ZFHX3: variants seen among roughly 807,000 people sequenced by gnomAD.
The protein encoded by ZFHX3 is zinc finger homeobox protein 3.
In ZFHX3, 42 loss-of-function variants were observed where a neutral mutation model predicts 279.1. The ratio of observed to expected loss-of-function variants is 0.15; its 90% CI spans 0.12 to 0.19. ZFHX3 has a LOEUF of 0.19. Ranked by LOEUF, ZFHX3 falls within the 10% of genes least tolerant of loss-of-function variation. The pLI is 1.00. For synonymous variants in ZFHX3, 2,293 were observed against 1,957.8 expected, an observed-to-expected ratio of 1.17 and a Z score of -4.52; for missense variants, 4,981 against 4,754.0, an observed-to-expected ratio of 1.05 and a Z score of -1.40.
intron 4 of ZFHX3, among the ~76,000 whole-genome samples, chr16:73,281,722 GTTTA>G (rs142825314): frequency 0.033 from 5,021 of 152,186 alleles, 277 homozygotes; most frequent in African/African-American, 0.11. Flanking sequence ...TTTCATGGAT[GTTTA>G]TTTATCCACA....
chr16:73,692,538 C>G (rs906677998), intron 1 of ZFHX3, among the ~76,000 whole-genome samples: 1 of 152,180 alleles, frequency 6.6e-6, no homozygotes, highest in South Asian at 2.1e-4. Context: ...GATTCCAACA[C>G]AGTAACAAAG....
intron 2 of ZFHX3, among the ~76,000 whole-genome samples, chr16:73,501,375 G>A (rs1468937540): frequency 6.6e-6 from 1 of 152,164 alleles, no homozygotes; most frequent in East Asian, 1.9e-4. Context: ...GTGGGGCTTC[G>A]ATATTAAATA....
chr16:72,999,638 T>A (rs1005703187), intron 1 of ZFHX3, among the ~76,000 whole-genome samples: 3 of 152,124 alleles, frequency 2.0e-5, no homozygotes, highest in Non-Finnish European at 4.4e-5. Context: ...GGGTGACCCA[T>A]CTATCCTGAG....
chr16:73,152,279 C>A (rs1378909177), intron 5 of ZFHX3, among the ~76,000 whole-genome samples: 1 of 152,176 alleles, frequency 6.6e-6, no homozygotes, highest in African/African-American at 2.4e-5. Flanking sequence ...GAATCGCATT[C>A]TATTCCCAGC....
In ZFHX3 at chr16:72,798,038, G is replaced by A. The variant is rs752574846; in HGVS notation, c.4644C>T (p.Thr1548=). 9.9e-6 allele frequency: 16 copies of A among 1,614,062 alleles called. No homozygotes were observed. The highest frequency in any genetic ancestry group is 6.7e-5 in the Admixed American group (4 of 60,008). ...FLDPSRPYKC[T]VCKESFTQKN... is the part of the protein sequence containing the mutation. Reference sequence around the variant, plus strand: ...TTTGAGTGAAAGATTCCTTGCAGACGGTACACTTGTAAGGGCGAGAAGGGT... The same window carrying A: ...TTTGAGTGAAAGATTCCTTGCAGACAGTACACTTGTAAGGGCGAGAAGGGT... The change falls in exon 9 of 10, where the codon ACC becomes ACT. Residue 1548 remains threonine, a synonymous_variant. Coordinates refer to ENST00000268489, the MANE Select transcript of ZFHX3 (RefSeq NM_006885.4).
chr16:73,774,004 G>A (rs992564967), intron 1 of ZFHX3, among the ~76,000 whole-genome samples: 1 of 152,118 alleles, frequency 6.6e-6, no homozygotes, highest in African/African-American at 2.4e-5. Context: ...CAGGCACGGT[G>A]ACATGTGCTT....
intron 4 of ZFHX3, among the ~76,000 whole-genome samples, chr16:73,280,064 C>T (rs59074049): frequency 0.14 from 21,218 of 152,074 alleles, 1,558 homozygotes; most frequent in East Asian, 0.2. Context: ...ACTGGACACA[C>T]ACATGCAAAA....
chr16:72,937,240 T>G (rs1412461347), intron 3 of ZFHX3, among the ~76,000 whole-genome samples: 1 of 152,054 alleles, frequency 6.6e-6, no homozygotes, highest in Non-Finnish European at 1.5e-5. Context: ...AGATGGGGTT[T>G]AAAACCACTG....
chr16:72,935,913 A>C (rs143128273), intron 3 of ZFHX3, among the ~76,000 whole-genome samples: 1 of 152,198 alleles, frequency 6.6e-6, no homozygotes, highest in Non-Finnish European at 1.5e-5. Flanking sequence ...ATGGTCTATC[A>C]TAAGAATGGG....
At chr16:72,881,558 G>A (rs2038471387) in intron 4 of ZFHX3, among the ~76,000 whole-genome samples, 1 of 152,188 alleles carries the variant, frequency 6.6e-6, no homozygotes, top group South Asian at 2.1e-4. Context: ...GTTTCATATA[G>A]GATGTAAGTA....
At chr16:73,298,146 G>C (rs939126296) in intron 4 of ZFHX3, among the ~76,000 whole-genome samples, 7 of 151,606 alleles carry the variant, frequency 4.6e-5, no homozygotes, top group African/African-American at 1.5e-4. Flanking sequence ...AGCTATGATT[G>C]AGTCACTGTA....
rs75021440 is a variant in ZFHX3, at chr16:73,503,052, G to T, written c.-1546-46794C>A. The stretch of plus-strand genomic sequence containing the variant: ...ATGTTGTGCTCACTCGGAACTGCAG[G>T]CCCCCTTTCCAGCTCTCTCAGGGGC... On this transcript the variant is annotated intron_variant, in intron 2 of 17. Transcript: ENST00000641206. Among the ~76,000 whole-genome samples the T allele has an allele frequency of 2.8e-3, 424 of 152,286 alleles. 2 individuals carry two copies. The highest frequency in any genetic ancestry group is 9.7e-3 in the African/African-American group (402 of 41,556).
chr16:73,695,062 T>C (rs1024613138), intron 1 of ZFHX3, among the ~76,000 whole-genome samples: 1 of 152,140 alleles, frequency 6.6e-6, no homozygotes, highest in Non-Finnish European at 1.5e-5. Context: ...TGCAGACCTA[T>C]TTACACAAGG....
intron 5 of ZFHX3, among the ~76,000 whole-genome samples, chr16:73,247,349 C>T (rs111169992): frequency 3.1e-4 from 44 of 143,916 alleles, no homozygotes; most frequent in Admixed American, 1.3e-3. Context: ...GTGTATATAA[C>T]GTATTTGTGT....
At chr16:73,093,042 T>G (rs1316001719) in intron 8 of ZFHX3, 1 of 519,996 alleles carries the variant, frequency 1.9e-6, no homozygotes, top group South Asian at 1.4e-5. Flanking sequence ...CTTTCAAACA[T>G]CTCTCTAACA....
chr16:73,723,085 A>C (rs1238696417), intron 1 of ZFHX3, among the ~76,000 whole-genome samples: 1 of 152,186 alleles, frequency 6.6e-6, no homozygotes, highest in Non-Finnish European at 1.5e-5. Context: ...CCATTTTACC[A>C]AAGTGGCTCA....
intron 6 of ZFHX3, chr16:73,137,256 C>G (rs1238242566): frequency 3.9e-5 from 6 of 152,178 alleles, no homozygotes; most frequent in African/African-American, 1.4e-4. Context: ...CTACCCCTTT[C>G]TTTTTCTGCA....
At chr16:72,928,977 C>A (rs145247539) in intron 3 of ZFHX3, among the ~76,000 whole-genome samples, 1,998 of 152,058 alleles carry the variant, frequency 0.013, 20 homozygotes, top group Non-Finnish European at 0.021. Flanking sequence ...GGAGCTCATG[C>A]CTATAACCCC....
At chr16:73,631,679 T>A (rs1415135660) in intron 2 of ZFHX3, among the ~76,000 whole-genome samples, 2 of 152,042 alleles carry the variant, frequency 1.3e-5, no homozygotes, top group Non-Finnish European at 2.9e-5. Context: ...CCGAGGCAGG[T>A]GGATCACTTG....
Sources: allele counts gnomAD v4.1 joint callset (sites outside exome capture counted in the v4.1 genomes callset), GRCh38; gene constraint gnomAD v4.1.1; transcripts MANE v1.5; gene names NCBI Gene and HGNC (gene_info 2026-07-23, HGNC 2026-07-21).